TJP1: variants seen among roughly 807,000 people sequenced by gnomAD.
The protein encoded by TJP1 is tight junction protein 1, also known as tight junction protein ZO-1.
TJP1 carries 43 observed loss-of-function variants against 194.2 expected under a neutral mutation model. The ratio of observed to expected loss-of-function variants is 0.22; its 90% confidence interval spans 0.17 to 0.29. The LOEUF is 0.29. Among genes scored for constraint, TJP1 ranks in the 10% least tolerant of loss-of-function variants. The probability of loss-of-function intolerance (pLI) is 1.00; values close to 1 mark genes in which losing one functional copy is unlikely to be tolerated. For synonymous variants in TJP1, 801 were observed against 779.0 expected (o/e 1.03, Z -0.47); for missense variants, 1,971 against 2,185.7 (o/e 0.90, Z 1.96).
At chr15:29,906,213 C>T (rs372014738) in intron 2 of TJP1, among the ~76,000 whole-genome samples, 3 of 152,192 alleles carry the variant, frequency 2.0e-5, no homozygotes. Flanking sequence ...TGGCTCACGC[C>T]TATAATCCCA....
At chr15:29,752,085 C>T (rs1414777482) in intron 8 of TJP1, among the ~76,000 whole-genome samples, 2 of 151,626 alleles carry the variant, frequency 1.3e-5, no homozygotes, top group East Asian at 1.9e-4. Context: ...TGCACCACCA[C>T]GCCCGGCTAA....
chr15:29,819,090 G>A (rs1481177349), intron 1 of TJP1, among the ~76,000 whole-genome samples: 2 of 152,136 alleles, frequency 1.3e-5, no homozygotes, highest in East Asian at 3.8e-4. Context: ...TTAGTATCAT[G>A]CACGGAGGAT....
chr15:29,737,546 T>G (rs574452956), intron 10 of TJP1, 132 bp from the exon 11 acceptor site: 9 of 916,046 alleles, frequency 9.8e-6, no homozygotes, highest in Middle Eastern at 5.9e-4. Context: ...TACCACTATT[T>G]TACTAAATAA....
intron 5 of TJP1, among the ~76,000 whole-genome samples, chr15:29,766,003 T>C (rs1189965739): frequency 6.6e-6 from 1 of 152,228 alleles, no homozygotes; most frequent in African/African-American, 2.4e-5. Flanking sequence ...TGACATTTCT[T>C]GTTAGCATAA....
upstream of TJP1, chr15:29,823,541 G>C (rs1315449006): frequency 1.3e-5 from 2 of 152,174 alleles, no homozygotes; most frequent in Non-Finnish European, 2.9e-5. Flanking sequence ...TTAGACAATG[G>C]TTTTCTCTTT....
At chr15:29,927,848 G>C (rs1054559039) in intron 2 of TJP1, among the ~76,000 whole-genome samples, 3 of 152,048 alleles carry the variant, frequency 2.0e-5, no homozygotes, top group Admixed American at 2.0e-4. Flanking sequence ...GATCCTGAAG[G>C]GGTACTCTTT....
intron 1 of TJP1, among the ~76,000 whole-genome samples, chr15:29,803,644 CTTA>C (rs896560719): frequency 3.9e-5 from 6 of 152,210 alleles, no homozygotes; most frequent in East Asian, 3.9e-4. Flanking sequence ...GATTAATGTT[CTTA>C]TTGTTAATTA....
intron 2 of TJP1, among the ~76,000 whole-genome samples, chr15:29,883,442 G>C (rs972268342): frequency 1.3e-5 from 2 of 152,160 alleles, no homozygotes; most frequent in Admixed American, 6.5e-5. Flanking sequence ...TCAGTTGGAG[G>C]TTAAATTTCT....
At chr15:29,859,854 T>A (rs962490560) in intron 2 of TJP1, among the ~76,000 whole-genome samples, 4 of 152,198 alleles carry the variant, frequency 2.6e-5, no homozygotes, top group African/African-American at 9.6e-5. Context: ...AATTCCTGAA[T>A]CACCTCCATG....
chr15:29,736,526 G>A (rs1257565534), intron 11 of TJP1, among the ~76,000 whole-genome samples: 1 of 152,204 alleles, frequency 6.6e-6, no homozygotes, highest in African/African-American at 2.4e-5. Flanking sequence ...GATACCTTCT[G>A]ATTAAAATGG....
At chr15:29,785,912 T>C (rs2047671127) in intron 2 of TJP1, among the ~76,000 whole-genome samples, 1 of 152,202 alleles carries the variant, frequency 6.6e-6, no homozygotes, top group South Asian at 2.1e-4. Flanking sequence ...TTGCCAATCA[T>C]GACCTTATGG....
chr15:29,815,642 CAT>C (rs1223234232), intron 1 of TJP1, among the ~76,000 whole-genome samples: 6 of 152,208 alleles, frequency 3.9e-5, no homozygotes, highest in African/African-American at 1.4e-4. Flanking sequence ...CAGCTGGACT[CAT>C]GGTCTTTCAG....
intron 24 of TJP1, among the ~76,000 whole-genome samples, chr15:29,709,488 C>T (rs978094096): frequency 3.6e-4 from 55 of 152,176 alleles, no homozygotes; most frequent in Non-Finnish European, 1.6e-4. Flanking sequence ...TATGCACTGC[C>T]AGCCACAGTG....
chr15:29,855,355 C>G (rs1443519825), intron 2 of TJP1, among the ~76,000 whole-genome samples: 1 of 151,982 alleles, frequency 6.6e-6, no homozygotes, highest in East Asian at 1.9e-4. Context: ...TGAAGTTAAT[C>G]AAATAACTCC....
At position 29,726,854 on chromosome 15, in the gene TJP1, T is replaced by C. The variant is rs758919285; in HGVS notation, c.2238A>G (p.Glu746=). The part of the protein sequence containing the change: ...VKTMRMRLCP[E]SRKSARKLYE... ...ATAACTTCCTGGCACTTTTCCGAGA[T>C]TCTGGACATAACCTCATTCTCATTG... The change falls in exon 17 of 28, where the codon GAA becomes GAG. Residue 746 remains glutamate (E), a synonymous_variant. Coordinates refer to ENST00000614355, the MANE Select transcript of TJP1 (RefSeq NM_001330239.4). The C allele has an allele frequency of 1.2e-6, 2 of 1,614,070 alleles. No individual in the cohort carries two copies. Among genetic ancestry groups the C allele is most frequent in the East Asian group, 4.5e-5 (2 of 44,886 alleles).
chr15:29,847,929 T>G (rs1348718685), intron 2 of TJP1, among the ~76,000 whole-genome samples: 1 of 152,250 alleles, frequency 6.6e-6, no homozygotes, highest in South Asian at 2.1e-4. Context: ...ATTATGTGTA[T>G]TTTTACATTT....
intron 15 of TJP1, chr15:29,730,919 T>A (rs2043600544): frequency 8.2e-7 from 1 of 1,222,706 alleles, no homozygotes; most frequent in Non-Finnish European, 1.2e-6. Context: ...GGAATAACCC[T>A]GCAGAAAATG....
intron 2 of TJP1, among the ~76,000 whole-genome samples, chr15:29,829,519 T>C (rs2050772406): frequency 6.6e-6 from 1 of 151,988 alleles, no homozygotes. Flanking sequence ...AAAGAACTGC[T>C]GTGAGACATT....
intron 8 of TJP1, chr15:29,743,176 G>A (rs939701731): frequency 6.5e-6 from 1 of 154,740 alleles, no homozygotes; most frequent in Non-Finnish European, 1.4e-5. Context: ...CCTAAAAAAA[G>A]AGTTTAAACA....
Sources: gnomAD v4.1 joint callset for allele counts (sites outside exome capture counted in the v4.1 genomes callset) on GRCh38, gnomAD v4.1.1 for gene constraint, MANE v1.5 for transcripts, NCBI Gene and HGNC (gene_info 2026-07-23, HGNC 2026-07-21) for gene names.